KCNK2: variants seen among roughly 807,000 people sequenced by gnomAD.
KCNK2 encodes the protein potassium two pore domain channel subfamily K member 2.
In KCNK2, 21 loss-of-function variants were observed where a neutral mutation model predicts 40.5. The observed-to-expected ratio is 0.52, with a 90% CI of 0.37 to 0.75. KCNK2 has a LOEUF of 0.75. KCNK2 is among the 30% of genes least tolerant of loss of function. The probability of loss-of-function intolerance (pLI) is 0.00; values close to 1 mark genes in which losing one functional copy is unlikely to be tolerated. For synonymous variants in KCNK2, 191 were observed against 202.2 expected (o/e 0.94, Z 0.47); for missense variants, 399 against 531.6 (o/e 0.75, Z 2.45).
chr1:215,233,278 T>C (rs1213158799), intron 6 of KCNK2, among the ~76,000 whole-genome samples: 1 of 152,102 alleles, frequency 6.6e-6, no homozygotes, highest in Non-Finnish European at 1.5e-5. Context: ...TATCAAGCAA[T>C]TATTTCTTGT....
At chr1:215,161,791 G>T (rs1387383989) in intron 3 of KCNK2, among the ~76,000 whole-genome samples, 1 of 152,144 alleles carries the variant, frequency 6.6e-6, no homozygotes, top group Non-Finnish European at 1.5e-5. Context: ...ATTCCGTGGT[G>T]TATATGTGCC....
intron 5 of KCNK2, among the ~76,000 whole-genome samples, chr1:215,191,545 C>T (rs1304160168): frequency 2.6e-5 from 4 of 152,026 alleles, no homozygotes; most frequent in Non-Finnish European, 5.9e-5. Context: ...GAGTTCCTTA[C>T]ACAAGCAATA....
chr1:215,010,863 T>A (rs745899932), intron 1 of KCNK2, among the ~76,000 whole-genome samples: 1 of 116,712 alleles, frequency 8.6e-6, no homozygotes, highest in Admixed American at 9.3e-5. Flanking sequence ...TTTTTTTTTT[T>A]TTTTTTGTGT....
intron 5 of KCNK2, among the ~76,000 whole-genome samples, chr1:215,187,914 A>G (rs1664515117): frequency 6.6e-6 from 1 of 152,060 alleles, no homozygotes; most frequent in Non-Finnish European, 1.5e-5. Context: ...CCTGAGGTTA[A>G]TATTTTGTAA....
At chr1:215,168,690 C>T (rs531774509) in intron 3 of KCNK2, among the ~76,000 whole-genome samples, 4 of 152,130 alleles carry the variant, frequency 2.6e-5, no homozygotes, top group African/African-American at 9.6e-5. Flanking sequence ...ACAACACACA[C>T]TGGGACCAGT....
chr1:215,063,635 C>T (rs563486553), intron 1 of KCNK2, among the ~76,000 whole-genome samples: 1 of 152,162 alleles, frequency 6.6e-6, no homozygotes, highest in East Asian at 1.9e-4. Context: ...AAGCAATGAT[C>T]GTAAATTAAT....
intron 6 of KCNK2, among the ~76,000 whole-genome samples, chr1:215,219,931 T>C (rs1294901357): frequency 6.6e-6 from 1 of 152,212 alleles, no homozygotes; most frequent in African/African-American, 2.4e-5. Flanking sequence ...GCACATTAGA[T>C]GTTCCAGACT....
chr1:215,183,577 A>G (rs988746629), intron 5 of KCNK2, among the ~76,000 whole-genome samples: 28 of 152,118 alleles, frequency 1.8e-4, no homozygotes, highest in Admixed American at 1.4e-3. Flanking sequence ...ATTTCCCACT[A>G]TTACTATTGT....
chr1:215,136,058 T>A (rs6675926), intron 3 of KCNK2, among the ~76,000 whole-genome samples: 116,890 of 152,050 alleles, frequency 0.77, 45,226 homozygotes, highest in Non-Finnish European at 0.79. Context: ...TTAATGATAT[T>A]TAGATAATCC....
chr1:215,154,493 T>C (rs1229563489), intron 3 of KCNK2, among the ~76,000 whole-genome samples: 5 of 152,116 alleles, frequency 3.3e-5, no homozygotes. Flanking sequence ...CTTTGTCAGA[T>C]GGGTAGATTG....
chr1:215,127,295 T>A (rs1013831274), intron 3 of KCNK2, among the ~76,000 whole-genome samples: 19 of 152,172 alleles, frequency 1.2e-4, no homozygotes, highest in African/African-American at 3.9e-4. Context: ...ATCCTTACTA[T>A]TCCTTGGAAA....
chr1:215,100,706 C>T (rs11120491), intron 2 of KCNK2, among the ~76,000 whole-genome samples: 16,136 of 152,006 alleles, frequency 0.11, 2,841 homozygotes, highest in African/African-American at 0.36. Context: ...GAAAGGGAGG[C>T]AGGCTTCTGC....
intron 6 of KCNK2, among the ~76,000 whole-genome samples, chr1:215,221,222 A>G (rs1666158129): frequency 6.6e-6 from 1 of 152,160 alleles, no homozygotes. Flanking sequence ...AAAAATACAA[A>G]AAGTAGTCAG....
chr1:215,218,117 A>T (rs1666029212), intron 6 of KCNK2, among the ~76,000 whole-genome samples: 1 of 152,204 alleles, frequency 6.6e-6, no homozygotes, highest in Non-Finnish European at 1.5e-5. Flanking sequence ...GCACTAATGG[A>T]CCAAATGTCT....
chr1:215,185,284 T>C (rs937107632), intron 5 of KCNK2, among the ~76,000 whole-genome samples: 1 of 152,144 alleles, frequency 6.6e-6, no homozygotes, highest in Non-Finnish European at 1.5e-5. Context: ...CTCCTTAACT[T>C]ATATATTTTT....
intron 5 of KCNK2, among the ~76,000 whole-genome samples, chr1:215,177,912 A>T (rs1436386916): frequency 6.6e-6 from 1 of 151,370 alleles, no homozygotes; most frequent in Non-Finnish European, 1.5e-5. Context: ...AGCTTTGCGA[A>T]AAACGATATT....
At chr1:215,087,694 C>T (rs897835549) in intron 2 of KCNK2, among the ~76,000 whole-genome samples, 21 of 152,122 alleles carry the variant, frequency 1.4e-4, no homozygotes, top group African/African-American at 5.1e-4. Context: ...TGAGCATGTT[C>T]TTTCTTATTT....
chr1:215,147,470 A>G (rs188444371), intron 3 of KCNK2, among the ~76,000 whole-genome samples: 5 of 152,288 alleles, frequency 3.3e-5, no homozygotes, highest in Admixed American at 6.5e-5. Context: ...CTGGAATCAT[A>G]TTTCTTCTTC....
intron 6 of KCNK2, among the ~76,000 whole-genome samples, chr1:215,197,170 T>C (rs1195647003): frequency 3.9e-5 from 6 of 152,222 alleles, no homozygotes. Context: ...GCTTAAATGT[T>C]TAAAACTTGT....
Sources: gnomAD v4.1 joint callset for allele counts (sites outside exome capture counted in the v4.1 genomes callset) on GRCh38, gnomAD v4.1.1 for gene constraint, MANE v1.5 for transcripts, NCBI Gene and HGNC (gene_info 2026-07-23, HGNC 2026-07-21) for gene names.